ARHGAP15: variants seen among roughly 807,000 people sequenced by gnomAD.
ARHGAP15 encodes Rho GTPase activating protein 15, also known as rho GTPase-activating protein 15.
Under a neutral mutation model 63.7 loss-of-function variants are expected in ARHGAP15, and 51 were observed. The ratio of observed to expected loss-of-function variants is 0.80; its 90% CI spans 0.64 to 1.01. ARHGAP15 has a LOEUF of 1.01. Ranked by LOEUF, ARHGAP15 falls within the 50% of genes least tolerant of loss-of-function variation. The probability of loss-of-function intolerance (pLI) is 0.00; values close to 1 mark genes in which losing one functional copy is unlikely to be tolerated. For synonymous variants in ARHGAP15, 191 were observed against 193.8 expected (o/e 0.99, Z 0.12); for missense variants, 560 against 564.6 (o/e 0.99, Z 0.08).
intron 12 of ARHGAP15, among the ~76,000 whole-genome samples, chr2:143,625,548 T>A (rs1029330975): frequency 1.3e-5 from 2 of 152,168 alleles, no homozygotes; most frequent in Non-Finnish European, 2.9e-5. Flanking sequence ...GCTGGAACTC[T>A]TATCCCTTGT....
chr2:143,169,776 G>A (rs940491124), intron 2 of ARHGAP15, among the ~76,000 whole-genome samples: 2 of 114,080 alleles, frequency 1.8e-5, no homozygotes, highest in African/African-American at 5.5e-5. Context: ...GGGCCCTCCA[G>A]GTTCAATCAG....
At chr2:143,454,217 C>T (rs1320008612) in intron 8 of ARHGAP15, among the ~76,000 whole-genome samples, 1 of 151,900 alleles carries the variant, frequency 6.6e-6, no homozygotes, top group Non-Finnish European at 1.5e-5. Flanking sequence ...TATTTATGGG[C>T]TTGTCAAGAA....
intron 6 of ARHGAP15, among the ~76,000 whole-genome samples, chr2:143,323,764 G>GT: frequency 6.6e-6 from 1 of 151,744 alleles, no homozygotes; most frequent in Non-Finnish European, 1.5e-5. Context: ...GCGGACACCT[G>GT]TAGTCTCAGC....
chr2:143,454,141 G>T (rs577972604), intron 8 of ARHGAP15, among the ~76,000 whole-genome samples: 1 of 151,894 alleles, frequency 6.6e-6, no homozygotes, highest in Non-Finnish European at 1.5e-5. Context: ...TCATTGAGAG[G>T]CCCTGAGGAC....
intron 11 of ARHGAP15, among the ~76,000 whole-genome samples, chr2:143,558,294 T>C (rs1458000041): frequency 4.6e-5 from 7 of 152,078 alleles, no homozygotes; most frequent in Non-Finnish European, 7.4e-5. Flanking sequence ...TTCCTTCCCA[T>C]CCCACATACA....
Position 143,753,412 on chromosome 2 carries a change from T to G in ARHGAP15, c.1245-14577T>G, listed in dbSNP as rs1686455994. Among the ~76,000 whole-genome samples the G allele has an allele frequency of 2.0e-5, 3 of 152,152 alleles. No individual in the cohort carries two copies. In the South Asian group the frequency reaches 6.2e-4, roughly 32 times the overall value. On this transcript the variant is annotated intron_variant, in intron 13 of 13. Coordinates refer to ENST00000295095, the MANE Select transcript of ARHGAP15 (RefSeq NM_018460.4). Reference sequence around the variant, plus strand: ...CTGTTATAAAGCTTAATATAATGCTTGATAGTGGTCCCTAAAAGATGAGGC... The same window carrying G: ...CTGTTATAAAGCTTAATATAATGCTGGATAGTGGTCCCTAAAAGATGAGGC...
At chr2:143,627,964 C>T (rs1698903419) in intron 12 of ARHGAP15, among the ~76,000 whole-genome samples, 1 of 151,974 alleles carries the variant, frequency 6.6e-6, no homozygotes, top group Admixed American at 6.6e-5. Flanking sequence ...AGTTTTTCAA[C>T]TCTTGCTCAC....
intron 1 of ARHGAP15, among the ~76,000 whole-genome samples, chr2:143,133,864 G>A (rs1382122434): frequency 6.6e-6 from 1 of 151,934 alleles, no homozygotes; most frequent in Non-Finnish European, 1.5e-5. Context: ...GCACATCTAT[G>A]TGTGTATGTA....
chr2:143,745,098 CACTT>C (rs1247029447), intron 13 of ARHGAP15, among the ~76,000 whole-genome samples: 7 of 152,218 alleles, frequency 4.6e-5, no homozygotes, highest in Admixed American at 4.6e-4. Context: ...TTTCTATACT[CACTT>C]AAGGGCAACG....
chr2:143,403,074 A>C (rs1054111111), intron 6 of ARHGAP15, among the ~76,000 whole-genome samples: 1 of 151,958 alleles, frequency 6.6e-6, no homozygotes, highest in African/African-American at 2.4e-5. Flanking sequence ...AGCTATGTGG[A>C]AACAAAGGAA....
At chr2:143,340,234 G>A (rs1684997358) in intron 6 of ARHGAP15, among the ~76,000 whole-genome samples, 1 of 152,104 alleles carries the variant, frequency 6.6e-6, no homozygotes, top group African/African-American at 2.4e-5. Context: ...GAACCAAAGA[G>A]AACCAAGACA....
intron 12 of ARHGAP15, among the ~76,000 whole-genome samples, chr2:143,691,472 T>A (rs566411245): frequency 4.7e-4 from 71 of 152,322 alleles, no homozygotes; most frequent in Non-Finnish European, 5.9e-4. Flanking sequence ...CATGCTACAA[T>A]GTGCTATAAG....
At chr2:143,645,963 C>A (rs1228693503) in intron 12 of ARHGAP15, among the ~76,000 whole-genome samples, 1 of 152,036 alleles carries the variant, frequency 6.6e-6, no homozygotes, top group East Asian at 1.9e-4. Flanking sequence ...GTGGTTTGTC[C>A]AGAGCCTCCC....
chr2:143,568,872 A>G (rs536810114), intron 11 of ARHGAP15, among the ~76,000 whole-genome samples: 55 of 152,322 alleles, frequency 3.6e-4, no homozygotes, highest in African/African-American at 1.3e-3. Context: ...AGGGACATGG[A>G]TGAAACTGGA....
At chr2:143,492,078 C>T (rs1692604835) in intron 9 of ARHGAP15, among the ~76,000 whole-genome samples, 1 of 152,106 alleles carries the variant, frequency 6.6e-6, no homozygotes, top group Non-Finnish European at 1.5e-5. Flanking sequence ...GATGGGGTTT[C>T]ACCATGTTGC....
At chr2:143,723,644 C>G (rs957805545) in intron 13 of ARHGAP15, among the ~76,000 whole-genome samples, 2 of 152,136 alleles carry the variant, frequency 1.3e-5, no homozygotes, top group African/African-American at 4.8e-5. Flanking sequence ...CTACTGTATG[C>G]CAGGCACTGT....
chr2:143,271,471 TTTTG>T (rs764133743), intron 6 of ARHGAP15, among the ~76,000 whole-genome samples: 16 of 152,176 alleles, frequency 1.1e-4, no homozygotes, highest in Admixed American at 2.0e-4. Context: ...TGTTGTTTGG[TTTTG>T]TTTGTTTGTT....
At chr2:143,730,165 A>G (rs1056682193) in intron 13 of ARHGAP15, among the ~76,000 whole-genome samples, 1 of 152,244 alleles carries the variant, frequency 6.6e-6, no homozygotes, top group African/African-American at 2.4e-5. Flanking sequence ...ATGACTGGGC[A>G]TATACTAGAG....
intron 11 of ARHGAP15, chr2:143,607,798 A>G (rs1220138370): frequency 6.6e-6 from 1 of 152,134 alleles, no homozygotes; most frequent in African/African-American, 2.4e-5. Flanking sequence ...ATAAATCATC[A>G]TTTCAGCTCA....
Sources: gnomAD v4.1 joint callset for allele counts (sites outside exome capture counted in the v4.1 genomes callset) on GRCh38, gnomAD v4.1.1 for gene constraint, MANE v1.5 for transcripts, NCBI Gene and HGNC (gene_info 2026-07-23, HGNC 2026-07-21) for gene names.